C2CD3: variants seen among roughly 807,000 people sequenced by gnomAD.
C2CD3 encodes C2 domain-containing protein 3.
A neutral mutation model predicts 234.0 loss-of-function variants in C2CD3; 148 were observed. That is an observed-to-expected ratio of 0.63 (90% CI 0.55 to 0.72). The LOEUF is 0.72. Ranked by LOEUF, C2CD3 falls within the 30% of genes least tolerant of loss-of-function variation. C2CD3 has a pLI of 0.00. For missense variants in C2CD3, 2,577 were observed against 2,811.5 expected, an observed-to-expected ratio of 0.92 and a Z score of 1.89; for synonymous variants, 1,000 against 1,035.4, an observed-to-expected ratio of 0.97 and a Z score of 0.66.
intron 32 of C2CD3, among the ~76,000 whole-genome samples, chr11:74,016,996 T>C (rs1399411632): frequency 6.6e-6 from 1 of 152,108 alleles, no homozygotes. Context: ...GAAGGTGGAA[T>C]GTGAACAGAC....
chr11:74,144,055 G>A (rs1329249766), intron 3 of C2CD3, among the ~76,000 whole-genome samples: 1 of 152,124 alleles, frequency 6.6e-6, no homozygotes, highest in African/African-American at 2.4e-5. Flanking sequence ...GGTGCTATAG[G>A]CTGCTGTCTT....
chr11:74,132,559 T>A (rs140753939), intron 7 of C2CD3, among the ~76,000 whole-genome samples: 104 of 152,338 alleles, frequency 6.8e-4, no homozygotes, highest in Admixed American at 1.6e-3. Flanking sequence ...TTGTATCTGT[T>A]TAAAATCCAT....
At position 74,092,408 on chromosome 11, in the gene C2CD3, T is replaced by G. The variant is rs745326206; in HGVS notation, c.3517+8A>C. 2.3e-5 allele frequency: 37 copies of G among 1,610,662 alleles called. No homozygotes were observed. In the African/African-American group the frequency reaches 4.8e-4, roughly 21 times the overall value. On this transcript the variant is annotated splice_region_variant and intron_variant, in intron 19 of 32. Coordinates refer to ENST00000334126, the MANE Select transcript of C2CD3 (RefSeq NM_001286577.2). ...TTGAAAGAAAAAGACAAACTTGTTT[T>G]CAATTACCTGATGACTGGTTCCTCA...
intron 7 of C2CD3, among the ~76,000 whole-genome samples, chr11:74,127,949 G>A (rs966388700): frequency 4.6e-5 from 7 of 151,316 alleles, no homozygotes; most frequent in African/African-American, 1.7e-4. Flanking sequence ...TGCAAGCTCC[G>A]CCTCCTGGGT....
At chr11:74,035,437 A>G (rs1952693079) in intron 30 of C2CD3, among the ~76,000 whole-genome samples, 1 of 152,216 alleles carries the variant, frequency 6.6e-6, no homozygotes, top group South Asian at 2.1e-4. Context: ...TAAGATTGCT[A>G]CATGGCTTTG....
In C2CD3 at chr11:74,074,424, G is replaced by C; in HGVS notation, c.4780C>G (p.Leu1594Val). 1 of 1,614,206 alleles carries C rather than the reference G, an allele frequency of 6.2e-7. No individual in the cohort carries two copies. The stretch of plus-strand genomic sequence containing the variant: ...CAGGAGATGACTTCTGGTGGAGAGA[G>C]CTGGACCTCATCATTCCTTCTGGGG... ...QLPRRNDEVQ[L>V]SPPEVISCHQ... is the part of the protein sequence containing the mutation. The change falls in exon 24 of 33, where the codon CTC becomes GTC. Residue 1594 changes from leucine to valine, a missense_variant. Coordinates refer to ENST00000334126, the MANE Select transcript of C2CD3 (RefSeq NM_001286577.2).
In C2CD3 at chr11:74,098,174, C is replaced by G; in HGVS notation, c.2814G>C (p.Val938=). 1.2e-6 allele frequency: 2 copies of G among 1,614,042 alleles called. No individual in the cohort carries two copies. Among genetic ancestry groups the G allele is most frequent in the Non-Finnish European group, 1.7e-6 (2 of 1,179,954 alleles). The change falls in exon 16 of 33, where the codon GTG becomes GTC. Residue 938 remains valine (V), a synonymous_variant. Coordinates refer to ENST00000334126, the MANE Select transcript of C2CD3 (RefSeq NM_001286577.2). ...GACTCCCATTTTGGTGGCCTGAAAACACATCAATCACAGGCATGTAGCTGT... is the reference window on the plus strand; with the variant it reads ...GACTCCCATTTTGGTGGCCTGAAAAGACATCAATCACAGGCATGTAGCTGT... ...AVDSYMPVID[V]FSGHQNGSLR...
chr11:74,079,069 A>G (rs988534969), intron 22 of C2CD3, among the ~76,000 whole-genome samples: 2 of 151,470 alleles, frequency 1.3e-5, no homozygotes, highest in African/African-American at 4.9e-5. Context: ...CAATGAGATA[A>G]TGGTTTAGAA....
intron 5 of C2CD3, among the ~76,000 whole-genome samples, chr11:74,135,174 C>T (rs1478026013): frequency 6.6e-6 from 1 of 150,964 alleles, no homozygotes; most frequent in Admixed American, 6.6e-5. Context: ...ACCCCAAGAT[C>T]CCCATTGCCT....
chr11:74,040,460 A>G (rs1332730048), intron 29 of C2CD3, among the ~76,000 whole-genome samples: 1 of 151,636 alleles, frequency 6.6e-6, no homozygotes. Context: ...AGAATAGGTT[A>G]GTTTTTTTTT....
rs759932097 is a variant in C2CD3 at position 74,074,478 on chromosome 11, A to G, written c.4726T>C (p.Cys1576Arg). ...EPTHELDSMD[C>R]SSHSESEQLP... is the part of the protein sequence containing the mutation. ...TGCTCAGACTCACTGTGGCTGCTGC[A>G]GTCCATGGAGTCCAGCTCATGAGTG... The change falls in exon 24 of 33, where the codon TGC (cysteine) becomes CGC (arginine). Residue 1576 changes from cysteine (C) to arginine (R), a missense_variant. Cys to Arg is a radical substitution (Grantham distance 180). Coordinates refer to ENST00000334126, the MANE Select transcript of C2CD3 (RefSeq NM_001286577.2). The G allele has an allele frequency of 6.2e-7, 1 of 1,614,202 alleles. No individual in the cohort carries two copies. The highest frequency in any genetic ancestry group is 2.2e-5 in the East Asian group (1 of 44,880).
chr11:74,137,309 A>G (rs1957895779), intron 5 of C2CD3, among the ~76,000 whole-genome samples: 1 of 152,120 alleles, frequency 6.6e-6, no homozygotes, highest in Non-Finnish European at 1.5e-5. Context: ...AGGAGTTTAT[A>G]TATATATATT....
At chr11:74,124,156 C>T (rs1311689059) in intron 7 of C2CD3, among the ~76,000 whole-genome samples, 1 of 152,060 alleles carries the variant, frequency 6.6e-6, no homozygotes, top group Non-Finnish European at 1.5e-5. Flanking sequence ...TTAATAAGCA[C>T]CTGTTAGTGA....
In C2CD3 at chr11:74,122,968, C is replaced by A. The variant is rs1179394107; in HGVS notation, c.1365+20G>T. On this transcript the variant is annotated intron_variant, in intron 8 of 32. Coordinates refer to ENST00000334126, the MANE Select transcript of C2CD3 (RefSeq NM_001286577.2). ...TACATTTGTTCTCTAATTCTCAATG[C>A]TTCAGGTTCAGTGACTTACAGGTGC... 1 of 1,601,928 alleles carries A rather than the reference C, an allele frequency of 6.2e-7. No individual in the cohort carries two copies. Among genetic ancestry groups the A allele is most frequent in the South Asian group, 1.1e-5 (1 of 90,658 alleles).
intron 3 of C2CD3, among the ~76,000 whole-genome samples, chr11:74,148,964 T>C (rs1484308880): frequency 6.6e-6 from 1 of 151,752 alleles, no homozygotes; most frequent in Non-Finnish European, 1.5e-5. Flanking sequence ...ATTCAAACAG[T>C]TCGATAATTT....
chr11:74,133,591 CA>C, intron 5 of C2CD3, 34 bp from the exon 6 acceptor site: 2 of 1,609,560 alleles, frequency 1.2e-6, no homozygotes, highest in East Asian at 4.5e-5. Context: ...CAGAAAAATC[CA>C]AAATGCAGCA....
At chr11:74,146,710 C>CCACACACACACA (rs141560536) in intron 3 of C2CD3, among the ~76,000 whole-genome samples, 2 of 84,960 alleles carry the variant, frequency 2.4e-5, no homozygotes, top group African/African-American at 1.5e-4. Context: ...AAAAGTCAAA[C>CCACACACACACA]CACACACACA....
chr11:74,070,485 T>C (rs1391360572), intron 24 of C2CD3: 1 of 152,160 alleles, frequency 6.6e-6, no homozygotes, highest in Non-Finnish European at 1.5e-5. Flanking sequence ...AAGTACAGAG[T>C]GTAGAATCAT....
At chr11:74,116,802 G>T (rs941554340) in intron 9 of C2CD3, among the ~76,000 whole-genome samples, 8 of 134,328 alleles carry the variant, frequency 6.0e-5, no homozygotes, top group Non-Finnish European at 9.6e-5. Flanking sequence ...ACACACACAC[G>T]TATATATATA....
Sources: gnomAD v4.1 joint callset for allele counts (sites outside exome capture counted in the v4.1 genomes callset) on GRCh38, gnomAD v4.1.1 for gene constraint, MANE v1.5 for transcripts, NCBI Gene and HGNC (gene_info 2026-07-23, HGNC 2026-07-21) for gene names.